TCEAL4: variants seen among roughly 807,000 people sequenced by gnomAD.
TCEAL4 encodes the protein transcription elongation factor A like 4, also known as transcription elongation factor A protein-like 4.
In TCEAL4, 1 loss-of-function variant was observed where a neutral mutation model predicts 1.3. That is an observed-to-expected ratio of 0.79 (90% confidence interval 0.28 to 3.76). TCEAL4 has a LOEUF of 3.76. Among genes scored for constraint, TCEAL4 ranks in the 30% most tolerant of loss-of-function variants. TCEAL4 has a pLI of 0.18. For missense variants in TCEAL4, 129 were observed against 154.7 expected (o/e 0.83, Z 0.88); for synonymous variants, 54 against 50.7 (o/e 1.06, Z -0.28).
At chrX:103,585,416 A>C (rs773194307), upstream of TCEAL4, 81 of 1,009,763 alleles carry the variant, frequency 8.0e-5, no homozygotes, top group East Asian at 3.0e-3. Flanking sequence ...GGGAGGTAAG[A>C]GGGTACCTGC....
At chrX:103,579,595 C>T (rs1341331243) in intron 2 of TCEAL4, among the ~76,000 whole-genome samples, 1 of 111,994 alleles carries the variant, frequency 8.9e-6, no homozygotes, top group Non-Finnish European at 1.9e-5. Context: ...ACATAAAATA[C>T]AATTAATTTT....
chrX:103,578,734 C>G (rs1294247610), intron 2 of TCEAL4, among the ~76,000 whole-genome samples: 5 of 111,779 alleles, frequency 4.5e-5, no homozygotes, highest in African/African-American at 9.7e-5. Flanking sequence ...ATTATAGATA[C>G]AAGTCCCTTA....
rs2073483582 is a variant in TCEAL4, at chrX:103,576,373, C to A, written c.-97C>A. 2.6e-5 allele frequency: 28 copies of A among 1,065,788 alleles called. No homozygotes were observed. In the South Asian group the frequency reaches 5.4e-4, roughly 21 times the overall value. 87.8% of individuals were successfully genotyped at this position (1,065,788 alleles called of 1,213,427 possible). ...ATACAGGTTATTAAGGTTAGTATTG[C>A]TGCATAACAAATTACTCCAAAATTT... On this transcript the variant is annotated 5_prime_UTR_variant, in exon 1 of 5. Coordinates refer to the TCEAL4 transcript ENST00000372629.
intron 1 of TCEAL4, 142 bp from the exon 2 acceptor site, chrX:103,586,076 TG>T: frequency 9.2e-7 from 1 of 1,091,785 alleles, no homozygotes. Context: ...GCCCGAGGCC[TG>T]GAAAGAAATG....
At chrX:103,582,094 A>G (rs1370154026), upstream of TCEAL4, among the ~76,000 whole-genome samples, 1 of 112,090 alleles carries the variant, frequency 8.9e-6, no homozygotes, top group Non-Finnish European at 1.9e-5. Context: ...ATTCCTATAT[A>G]CCAACAATAG....
At chrX:103,586,114 G>A in intron 1 of TCEAL4, 105 bp from the exon 2 acceptor site, 1 of 1,115,537 alleles carries the variant, frequency 9.0e-7, no homozygotes. Context: ...GGAGGTAGGG[G>A]AGGAAAACGT....
intron 1 of TCEAL4, chrX:103,577,023 G>A (rs2073486723): frequency 3.8e-5 from 42 of 1,100,369 alleles, no homozygotes; most frequent in Admixed American, 8.9e-5. Flanking sequence ...TCTTTGTGGG[G>A]TGTTTTGACC....
At chrX:103,578,416 C>G (rs773398757) in intron 2 of TCEAL4, among the ~76,000 whole-genome samples, 1 of 111,663 alleles carries the variant, frequency 9.0e-6, no homozygotes, top group Non-Finnish European at 1.9e-5. Flanking sequence ...GAGGAACTGC[C>G]CAACTGTTTT....
At chrX:103,579,637 T>C (rs1268737290) in intron 2 of TCEAL4, among the ~76,000 whole-genome samples, 1 of 112,283 alleles carries the variant, frequency 8.9e-6, no homozygotes, top group Non-Finnish European at 1.9e-5. Flanking sequence ...GCCACATTGC[T>C]GAACTCATTT....
rs149910412 is a variant in TCEAL4 at position 103,586,037 on chromosome X, A to G, written c.-100-182A>G. 6.5e-4 allele frequency: 700 copies of G among 1,080,747 alleles called. 4 individuals carry two copies. In the East Asian group the frequency reaches 0.02, roughly 31 times the overall value. The allele number at this position is 1,080,747 out of a possible 1,213,427, so 89.1% of individuals were successfully genotyped here. On this transcript the variant is annotated intron_variant, in intron 1 of 2. Coordinates refer to ENST00000472484, the MANE Select transcript of TCEAL4 (RefSeq NM_001006935.3). ...GAGGAAGAAGGGCACAGAGACCCAA[A>G]ATTAGTTTGGAAAGCATCCTGATTT...
chrX:103,585,533 G>A lies in TCEAL4; in HGVS notation c.-192G>A. On this transcript the variant is annotated 5_prime_UTR_variant, in exon 1 of 3. Coordinates refer to ENST00000472484, the MANE Select transcript of TCEAL4 (RefSeq NM_001006935.3). ...GTGATCTGCACGGGCGCAGATGTAG[G>A]CACCGGTCCGAGTGCCTGCCCTCTG... The A allele has an allele frequency of 8.7e-7, 1 of 1,154,337 alleles. No individual in the cohort carries two copies. The highest frequency in any genetic ancestry group is 1.2e-6 in the Non-Finnish European group (1 of 864,916).
chrX:103,584,883 G>C (rs1044841900), upstream of TCEAL4, among the ~76,000 whole-genome samples: 2 of 112,502 alleles, frequency 1.8e-5, no homozygotes, highest in African/African-American at 3.2e-5. Flanking sequence ...GGTTTTTCTT[G>C]TTTGTCATCA....
intron 2 of TCEAL4, among the ~76,000 whole-genome samples, chrX:103,578,863 T>A (rs1428429254): frequency 8.9e-6 from 1 of 111,954 alleles, no homozygotes; most frequent in Non-Finnish European, 1.9e-5. Flanking sequence ...TATCTATATT[T>A]CTTTTGTTTC....
Position 103,586,384 on chromosome X carries a change from C to T in TCEAL4, c.-28+93C>T, listed in dbSNP as rs1342897827. 3.9e-6 allele frequency: 4 copies of T among 1,037,989 alleles called. No individual in the cohort carries two copies. The Admixed American group carries it at 1.1e-4, about 28-fold the overall frequency. 85.5% of individuals were successfully genotyped at this position (1,037,989 alleles called of 1,213,427 possible). ...GGGCCGAATTGGGGCCTTTCCCATT[C>T]CCCCACCCACATGAACACACACCTT... On this transcript the variant is annotated intron_variant, in intron 2 of 2. Coordinates refer to ENST00000472484, the MANE Select transcript of TCEAL4 (RefSeq NM_001006935.3).
At chrX:103,585,917 G>A (rs2073540200) in intron 1 of TCEAL4, 1 of 1,067,265 alleles carries the variant, frequency 9.4e-7, no homozygotes, top group Non-Finnish European at 1.2e-6. Context: ...GGCTGGGGCC[G>A]CCCCAGTAGT....
chrX:103,581,593 C>T (rs903985241), upstream of TCEAL4, among the ~76,000 whole-genome samples: 23 of 111,025 alleles, frequency 2.1e-4, no homozygotes, highest in Admixed American at 2.1e-3. Context: ...TAAACATATG[C>T]AAATCAATAA....
chrX:103,578,097 G>A (rs1314015481), intron 2 of TCEAL4, among the ~76,000 whole-genome samples: 1 of 112,130 alleles, frequency 8.9e-6, no homozygotes, highest in African/African-American at 3.2e-5. Context: ...AATACAATAT[G>A]TAATAATTTG....
At chrX:103,585,382 A>G, upstream of TCEAL4, 1 of 841,277 alleles carries the variant, frequency 1.2e-6, no homozygotes, top group Non-Finnish European at 1.5e-6. Context: ...TTTCTTAACA[A>G]GAAAAAAAGG....
At position 103,587,511 on chromosome X, in the gene TCEAL4, G is replaced by T; in HGVS notation, c.*188G>T. 1 of 443,419 alleles carries T rather than the reference G, an allele frequency of 2.3e-6. No homozygotes were observed. Among genetic ancestry groups the T allele is most frequent in the Non-Finnish European group, 3.6e-6 (1 of 281,283 alleles). 36.5% of individuals were successfully genotyped at this position (443,419 alleles called of 1,213,427 possible). On this transcript the variant is annotated 3_prime_UTR_variant, in exon 3 of 3. Coordinates refer to ENST00000472484, the MANE Select transcript of TCEAL4 (RefSeq NM_001006935.3). ...GTAAAATTAAAAAACACAACTTGCAGAACCAAATATATGGCATCAGTACAT... is the reference window on the plus strand; with the variant it reads ...GTAAAATTAAAAAACACAACTTGCATAACCAAATATATGGCATCAGTACAT...
Sources: allele counts gnomAD v4.1 joint callset (sites outside exome capture counted in the v4.1 genomes callset), GRCh38; gene constraint gnomAD v4.1.1; transcripts MANE v1.5; gene names NCBI Gene and HGNC (gene_info 2026-07-23, HGNC 2026-07-21).